The following MPRIP variants were observed in gnomAD, a reference collection of about 807,000 sequenced individuals.
MPRIP encodes the protein myosin phosphatase Rho interacting protein, also known as myosin phosphatase Rho-interacting protein.
A neutral mutation model predicts 234.9 loss-of-function variants in MPRIP; 59 were observed. That is an observed-to-expected ratio of 0.25 (90% CI 0.20 to 0.31). The LOEUF (loss-of-function observed/expected upper bound fraction) is 0.31. MPRIP is among the 10% of genes least tolerant of loss of function. MPRIP has a pLI of 1.00. For synonymous variants in MPRIP, 1,144 were observed against 1,263.9 expected, an observed-to-expected ratio of 0.91 and a Z score of 2.01; for missense variants, 2,436 against 3,071.0, an observed-to-expected ratio of 0.79 and a Z score of 4.89.
intron 6 of MPRIP, among the ~76,000 whole-genome samples, 190 bp from the exon 7 acceptor site, chr17:17,137,726 C>A (rs979961205): frequency 6.6e-6 from 1 of 152,022 alleles, no homozygotes; most frequent in African/African-American, 2.4e-5. Flanking sequence ...AAAGCATGCA[C>A]GAAATATTTC....
chr17:17,148,363 A>G (rs761773808), intron 11 of MPRIP, among the ~76,000 whole-genome samples: 3 of 152,158 alleles, frequency 2.0e-5, no homozygotes, highest in Non-Finnish European at 4.4e-5. Flanking sequence ...TTAAGATGTC[A>G]TTGACTTTTT....
chr17:17,104,261 C>T (rs920664950), intron 3 of MPRIP, among the ~76,000 whole-genome samples: 9 of 152,174 alleles, frequency 5.9e-5, no homozygotes, highest in Non-Finnish European at 1.3e-4. Context: ...TAACATGGTG[C>T]CAGCGCTCCT....
intron 2 of MPRIP, chr17:17,077,765 AAAAAAAG>A (rs959518383): frequency 2.2e-6 from 1 of 463,146 alleles, no homozygotes; most frequent in African/African-American, 2.0e-5. Flanking sequence ...AAAAAAAAAA[AAAAAAAG>A]ACTTCTTATT....
intron 3 of MPRIP, among the ~76,000 whole-genome samples, chr17:17,115,412 AGAGGGCCTTCC>A (rs2090264401): frequency 6.6e-6 from 1 of 152,172 alleles, no homozygotes; most frequent in Non-Finnish European, 1.5e-5. Context: ...GGTGGGGTGT[AGAGGGCCTTCC>A]AGGCCTGGGT....
intron 1 of MPRIP, among the ~76,000 whole-genome samples, chr17:17,049,022 G>A (rs2088447521): frequency 6.6e-6 from 1 of 152,248 alleles, no homozygotes; most frequent in Non-Finnish European, 1.5e-5. Context: ...GCGAAGTACT[G>A]AGACATGCCA....
intron 1 of MPRIP, among the ~76,000 whole-genome samples, chr17:17,070,301 C>T (rs2089161841): frequency 6.6e-6 from 1 of 152,090 alleles, no homozygotes. Context: ...TGTAGGTTGC[C>T]ACTTTTGCCA....
chr17:17,129,876 T>A (rs767946818), intron 4 of MPRIP, among the ~76,000 whole-genome samples: 5 of 152,228 alleles, frequency 3.3e-5, no homozygotes, highest in Non-Finnish European at 4.4e-5. Flanking sequence ...GCAGCTGCCA[T>A]GGCAGACTGG....
chr17:17,172,616 A>C (rs908057013), intron 17 of MPRIP, 82 bp from the exon 18 acceptor site: 33 of 1,049,446 alleles, frequency 3.1e-5, no homozygotes, highest in Admixed American at 2.5e-4. Flanking sequence ...GCGCCATCCC[A>C]TTGTGTGGAG....
chr17:17,115,242 C>T (rs968679373), intron 3 of MPRIP, among the ~76,000 whole-genome samples: 17 of 152,248 alleles, frequency 1.1e-4, no homozygotes, highest in African/African-American at 3.9e-4. Flanking sequence ...TGTGGTGACA[C>T]CCACTGTCAC....
rs934653040 is a variant in MPRIP at position 17,142,692 on chromosome 17, A to G, written c.1316A>G (p.Asn439Ser). The G allele has an allele frequency of 1.3e-5, 21 of 1,612,176 alleles. No individual in the cohort carries two copies. Among genetic ancestry groups the G allele is most frequent in the South Asian group, 2.2e-5 (2 of 91,014 alleles). Residue 439 changes from asparagine (N) to serine (S), a missense_variant, in exon 8 of 24, where the codon AAT becomes AGT. Around this residue, in one of 4 missense-constraint regions of MPRIP, gnomAD observed 267 missense variants for 252.7 expected, o/e 1.06. Transcript: ENST00000651222. Reference protein sequence around the residue: ...DIEKAEHMETNAVGPSPSSDT... With the variant: ...DIEKAEHMETSAVGPSPSSDT... The stretch of plus-strand genomic sequence containing the variant: ...GAGAAGGCAGAGCACATGGAGACCA[A>G]TGCAGTGGGGCCCTCACCATCCAGC...
chr17:17,092,538 C>T (rs916113172), intron 3 of MPRIP, among the ~76,000 whole-genome samples: 5 of 152,154 alleles, frequency 3.3e-5, no homozygotes, highest in Admixed American at 2.6e-4. Flanking sequence ...GTGGGAATTC[C>T]CGAAGGCTTC....
At chr17:17,159,638 TTTCA>T (rs1483360425) in intron 14 of MPRIP, among the ~76,000 whole-genome samples, 1 of 152,244 alleles carries the variant, frequency 6.6e-6, no homozygotes, top group Non-Finnish European at 1.5e-5. Flanking sequence ...TAAGATGTTC[TTTCA>T]TGGAAATGTA....
intron 3 of MPRIP, among the ~76,000 whole-genome samples, chr17:17,095,761 T>C (rs1182287636): frequency 6.6e-6 from 1 of 152,028 alleles, no homozygotes; most frequent in Non-Finnish European, 1.5e-5. Context: ...TGCTGATCAG[T>C]TCTCCTGCTC....
At chr17:17,092,912 A>G (rs983304249) in intron 3 of MPRIP, among the ~76,000 whole-genome samples, 1 of 152,194 alleles carries the variant, frequency 6.6e-6, no homozygotes, top group African/African-American at 2.4e-5. Context: ...ATGGAAAGGA[A>G]TAGACGTGCA....
chr17:17,064,604 A>AAT (rs1277047618), intron 1 of MPRIP, among the ~76,000 whole-genome samples: 1 of 152,082 alleles, frequency 6.6e-6, no homozygotes, highest in African/African-American at 2.4e-5. Context: ...CATTTCCATA[A>AAT]ATCTGACATT....
chr17:17,075,983 T>C lies in MPRIP; in HGVS notation c.201+196T>C, dbSNP rs1004079388. 31 of 550,472 alleles carry C rather than the reference T, an allele frequency of 5.6e-5. No individual in the cohort carries two copies. The East Asian group carries it at 6.3e-4, about 11-fold the overall frequency. The allele number at this position is 550,472 out of a possible 1,614,324, so 34.1% of individuals were successfully genotyped here. A position where few individuals can be genotyped will look rare whatever the true frequency, so the allele number is the denominator to read the frequency against. Reference sequence around the variant, plus strand: ...AATTATACATAGTTGTGTGTAGTGCTCCCTTCAGAATGAGGAGCTCTCATG... The same window carrying C: ...AATTATACATAGTTGTGTGTAGTGCCCCCTTCAGAATGAGGAGCTCTCATG... On this transcript the variant is annotated intron_variant, in intron 2 of 23. Transcript: ENST00000651222.
intron 1 of MPRIP, among the ~76,000 whole-genome samples, chr17:17,045,396 A>C (rs905331514): frequency 1.3e-5 from 2 of 152,178 alleles, no homozygotes; most frequent in African/African-American, 4.8e-5. Context: ...GTATTATGGC[A>C]TCAGACCTGG....
rs1386931012 is a variant in MPRIP at position 17,190,961 on chromosome 17, G to C, written c.*6067G>C. 1.3e-5 allele frequency: 2 copies of C among 152,166 alleles called. No homozygotes were observed. Among genetic ancestry groups the C allele is most frequent in the East Asian group, 3.8e-4 (2 of 5,204 alleles). 9.4% of individuals were successfully genotyped at this position (152,166 alleles called of 1,614,324 possible). On this transcript the variant is annotated 3_prime_UTR_variant, in exon 24 of 24. Transcript: ENST00000651222. ...GGGATTTTTGTGACAGAGTTTGTAT[G>C]GGTTTTTAAAAAAATCTTAGACACC...
intron 3 of MPRIP, among the ~76,000 whole-genome samples, chr17:17,115,082 A>G (rs75696602): frequency 6.6e-6 from 1 of 152,260 alleles, no homozygotes; most frequent in Admixed American, 6.5e-5. Context: ...CCCACACTGC[A>G]TTGTTGCTGC....
Sources: gnomAD v4.1 joint callset for allele counts (sites outside exome capture counted in the v4.1 genomes callset) on GRCh38, gnomAD v4.1.1 for gene constraint, gnomAD v4.1.1 regional missense constraint, MANE v1.5 for transcripts, NCBI Gene and HGNC (gene_info 2026-07-23, HGNC 2026-07-21) for gene names.